The following TDRD10 variants were observed in gnomAD, a reference collection of about 807,000 sequenced individuals.
TDRD10 encodes tudor domain containing 10, also known as tudor domain-containing protein 10.
In TDRD10, 40 loss-of-function variants were observed where a neutral mutation model predicts 48.0. The observed-to-expected ratio is 0.83, with a 90% CI of 0.65 to 1.09. TDRD10 has a LOEUF of 1.09. Among genes scored for constraint, TDRD10 ranks in the 50% least tolerant of loss-of-function variants. TDRD10 has a pLI of 0.00. For missense variants in TDRD10, 378 were observed against 434.7 expected (o/e 0.87, Z 1.16); for synonymous variants, 162 against 170.4 (o/e 0.95, Z 0.38).
At chr1:154,512,356 G>A (rs1275354180) in intron 4 of TDRD10, among the ~76,000 whole-genome samples, 2 of 151,886 alleles carry the variant, frequency 1.3e-5, no homozygotes, top group African/African-American at 2.4e-5. Flanking sequence ...GTTTGTTTTT[G>A]TTTTTAAGAC....
intron 7 of TDRD10, among the ~76,000 whole-genome samples, chr1:154,542,295 A>C (rs1037007054): frequency 1.3e-5 from 2 of 152,186 alleles, no homozygotes; most frequent in Non-Finnish European, 2.9e-5. Context: ...TGGCATGGTC[A>C]TAGCTCACTG....
chr1:154,528,176 C>T (rs1433856754), intron 6 of TDRD10, among the ~76,000 whole-genome samples: 2 of 149,234 alleles, frequency 1.3e-5, no homozygotes, highest in Non-Finnish European at 3.0e-5. Flanking sequence ...GCCAGAAGTT[C>T]GAGAACAACC....
intron 6 of TDRD10, among the ~76,000 whole-genome samples, chr1:154,532,841 A>G (rs1407467671): frequency 6.6e-6 from 1 of 151,978 alleles, no homozygotes; most frequent in Non-Finnish European, 1.5e-5. Context: ...CAGGCTCCCT[A>G]CTCAGCCTCT....
intron 4 of TDRD10, among the ~76,000 whole-genome samples, chr1:154,511,662 A>G (rs1693482061): frequency 6.6e-6 from 1 of 152,030 alleles, no homozygotes; most frequent in South Asian, 2.1e-4. Flanking sequence ...AGCCTGGCCA[A>G]CGTGGTGAAA....
intron 4 of TDRD10, among the ~76,000 whole-genome samples, chr1:154,512,873 AG>A (rs1393317600): frequency 2.0e-5 from 3 of 152,304 alleles, no homozygotes; most frequent in African/African-American, 7.2e-5. Flanking sequence ...GGTTTTATTC[AG>A]GGGTGGTTTA....
intron 5 of TDRD10, 61 bp downstream of exon 5, chr1:154,520,435 T>G (rs1371705394): frequency 2.2e-6 from 3 of 1,376,348 alleles, no homozygotes; most frequent in South Asian, 2.3e-5. Flanking sequence ...CTGTCCATTT[T>G]GCTGATGCAC....
chr1:154,518,594 A>AT (rs1245167525), intron 4 of TDRD10, among the ~76,000 whole-genome samples: 1 of 151,792 alleles, frequency 6.6e-6, no homozygotes, highest in Non-Finnish European at 1.5e-5. Context: ...CGCCCGGCTA[A>AT]TTTTTTTTGT....
At chr1:154,542,570 C>T (rs140663036) in intron 7 of TDRD10, among the ~76,000 whole-genome samples, 161 bp from the exon 8 acceptor site, 46 of 152,296 alleles carry the variant, frequency 3.0e-4, no homozygotes, top group Non-Finnish European at 4.6e-4. Context: ...TGACCCTTCC[C>T]GCCCAGATGA....
chr1:154,538,013 G>A (rs1048216537), intron 6 of TDRD10, among the ~76,000 whole-genome samples: 1 of 152,174 alleles, frequency 6.6e-6, no homozygotes, highest in African/African-American at 2.4e-5. Context: ...TTACAGACAC[G>A]TCGGAAATTG....
intron 6 of TDRD10, among the ~76,000 whole-genome samples, chr1:154,538,498 C>T (rs1396937195): frequency 2.1e-5 from 3 of 140,954 alleles, no homozygotes; most frequent in South Asian, 2.3e-4. Flanking sequence ...TGCGGTGAGC[C>T]GAGATCATGC....
At chr1:154,541,113 G>A (rs1379429199) in intron 6 of TDRD10, among the ~76,000 whole-genome samples, 1 of 152,170 alleles carries the variant, frequency 6.6e-6, no homozygotes, top group Non-Finnish European at 1.5e-5. Context: ...TGTGAGGTCA[G>A]TCAGAGTCTT....
chr1:154,505,067 A>C (rs1693067089), intron 1 of TDRD10, among the ~76,000 whole-genome samples: 1 of 152,260 alleles, frequency 6.6e-6, no homozygotes, highest in South Asian at 2.1e-4. Flanking sequence ...AAGGAAACTC[A>C]GGACTTTGGA....
chr1:154,510,608 A>C (rs1693410423), intron 4 of TDRD10, among the ~76,000 whole-genome samples: 1 of 151,740 alleles, frequency 6.6e-6, no homozygotes, highest in Non-Finnish European at 1.5e-5. Context: ...ACAAAAACAA[A>C]AACAAAAAAA....
At chr1:154,531,525 C>A (rs1283459920) in intron 6 of TDRD10, among the ~76,000 whole-genome samples, 2 of 152,050 alleles carry the variant, frequency 1.3e-5, no homozygotes, top group Non-Finnish European at 2.9e-5. Context: ...TTTAAGGCGG[C>A]ACATCTGGAG....
rs199593386 is a variant in TDRD10 at position 154,518,966 on chromosome 1, GA to G, written c.142-1330del. Among the ~76,000 whole-genome samples, 816 of 151,904 alleles carry G rather than the reference GA, an allele frequency of 5.4e-3. 4 individuals are homozygous for G. Among genetic ancestry groups the G allele is most frequent in the Non-Finnish European group, 8.3e-3 (561 of 67,938 alleles). On this transcript the variant is annotated intron_variant, in intron 4 of 12. Transcript: ENST00000368482. ...AACTATGGCTTTGCACAATATAATGGAAAAAAAATGTAGGATTTGAAGAGTC... is the reference window on the plus strand; with the variant it reads ...AACTATGGCTTTGCACAATATAATGGAAAAAAATGTAGGATTTGAAGAGTC...
At chr1:154,506,234 T>C (rs1270743747) in intron 1 of TDRD10, among the ~76,000 whole-genome samples, 1 of 152,218 alleles carries the variant, frequency 6.6e-6, no homozygotes, top group Non-Finnish European at 1.5e-5. Flanking sequence ...AGTTGGAGAA[T>C]CCATTTCCCT....
chr1:154,543,981 G>T lies in TDRD10; in HGVS notation c.522G>T (p.Leu174=), dbSNP rs147377261. 6.2e-7 allele frequency: 1 copy of T among 1,614,128 alleles called. No homozygotes were observed. Among genetic ancestry groups the T allele is most frequent in the Non-Finnish European group, 8.5e-7 (1 of 1,180,012 alleles). The change falls in exon 9 of 13, where the codon CTG becomes CTT. Residue 174 remains leucine (L), a synonymous_variant. Transcript: ENST00000368482. ...CCCGCAGAGGGTCCTTCCTGGTGCT[G>T]CTCCTGAGGGAATGCTTCCGAGACC... The part of the protein sequence containing the change: ...PLEMRGSFLV[L]LLRECFRDLS...
intron 6 of TDRD10, among the ~76,000 whole-genome samples, chr1:154,541,669 C>T (rs764070887): frequency 6.6e-6 from 1 of 152,184 alleles, no homozygotes; most frequent in African/African-American, 2.4e-5. Context: ...TTCTTTTCCT[C>T]CCTGCAGGTA....
chr1:154,543,731 C>T (rs1275300115), intron 8 of TDRD10, among the ~76,000 whole-genome samples: 1 of 152,154 alleles, frequency 6.6e-6, no homozygotes, highest in East Asian at 1.9e-4. Context: ...TTTTCCTGAA[C>T]TCTTCAACCC....
Sources: gnomAD v4.1 joint callset for allele counts (sites outside exome capture counted in the v4.1 genomes callset) on GRCh38, gnomAD v4.1.1 for gene constraint, MANE v1.5 for transcripts, NCBI Gene and HGNC (gene_info 2026-07-23, HGNC 2026-07-21) for gene names.